GALNTL6: variants seen among roughly 807,000 people sequenced by gnomAD.
GALNTL6 encodes polypeptide N-acetylgalactosaminyltransferase like 6, also known as polypeptide N-acetylgalactosaminyltransferase-like 6.
A neutral mutation model predicts 73.7 loss-of-function variants in GALNTL6; 46 were observed. That is an observed-to-expected ratio of 0.62 (90% CI 0.49 to 0.80). GALNTL6 has a LOEUF of 0.80. Ranked by LOEUF, GALNTL6 falls within the 30% of genes least tolerant of loss-of-function variation. The pLI, the probability that GALNTL6 is intolerant of heterozygous loss-of-function variation, is 0.00. For synonymous variants in GALNTL6, 259 were observed against 263.7 expected, an observed-to-expected ratio of 0.98 and a Z score of 0.17; for missense variants, 604 against 755.0, an observed-to-expected ratio of 0.80 and a Z score of 2.34.
intron 3 of GALNTL6, among the ~76,000 whole-genome samples, chr4:172,260,717 T>G (rs1738228622): frequency 6.6e-6 from 1 of 151,638 alleles, no homozygotes; most frequent in Non-Finnish European, 1.5e-5. Flanking sequence ...TTTTCCCCAT[T>G]CAGTATAATG....
chr4:172,140,751 A>G (rs1733779085), intron 2 of GALNTL6, among the ~76,000 whole-genome samples: 1 of 152,068 alleles, frequency 6.6e-6, no homozygotes, highest in Non-Finnish European at 1.5e-5. Flanking sequence ...AATACATAAG[A>G]AGAAGAAATT....
chr4:173,011,642 C>G (rs1045974664), intron 11 of GALNTL6, among the ~76,000 whole-genome samples: 1 of 152,094 alleles, frequency 6.6e-6, no homozygotes, highest in African/African-American at 2.4e-5. Flanking sequence ...CTGTCTTTTC[C>G]CCAGTGTACG....
chr4:171,837,544 A>G (rs1735124046), intron 2 of GALNTL6, among the ~76,000 whole-genome samples: 1 of 81,850 alleles, frequency 1.2e-5, no homozygotes, highest in Non-Finnish European at 2.6e-5. Context: ...ATGGTTCAGA[A>G]AAAAAAATAT....
chr4:172,579,684 GA>G (rs1737097239), intron 5 of GALNTL6, among the ~76,000 whole-genome samples: 1 of 152,154 alleles, frequency 6.6e-6, no homozygotes, highest in Non-Finnish European at 1.5e-5. Flanking sequence ...AGAAAGGCCA[GA>G]AGCAATTTTC....
chr4:172,951,958 T>C, intron 9 of GALNTL6, 79 bp from the exon 10 acceptor site: 1 of 1,232,948 alleles, frequency 8.1e-7, no homozygotes, highest in South Asian at 1.4e-5. Context: ...CCTTTTCTTT[T>C]TTCAATTTCT....
At chr4:172,819,049 T>A (rs28652947) in intron 7 of GALNTL6, among the ~76,000 whole-genome samples, 1 of 152,032 alleles carries the variant, frequency 6.6e-6, no homozygotes. Flanking sequence ...GGACCTCAAG[T>A]TAGGCACTTC....
At chr4:172,698,460 G>A (rs1733822836) in intron 5 of GALNTL6, among the ~76,000 whole-genome samples, 1 of 152,072 alleles carries the variant, frequency 6.6e-6, no homozygotes, top group Admixed American at 6.5e-5. Context: ...TCTTGGACAG[G>A]ATCCAAGGCT....
At chr4:172,776,820 C>A (rs1260833879) in intron 5 of GALNTL6, among the ~76,000 whole-genome samples, 1 of 152,198 alleles carries the variant, frequency 6.6e-6, no homozygotes, top group Non-Finnish European at 1.5e-5. Flanking sequence ...TGGACCACCA[C>A]TAGTAGTTTG....
intron 5 of GALNTL6, among the ~76,000 whole-genome samples, chr4:172,630,667 A>C (rs1183174683): frequency 2.0e-5 from 3 of 151,686 alleles, no homozygotes; most frequent in African/African-American, 7.3e-5. Context: ...ATTCTGAAAA[A>C]TATTTTCTTT....
intron 5 of GALNTL6, among the ~76,000 whole-genome samples, chr4:172,656,974 T>C (rs1171237530): frequency 1.3e-5 from 2 of 152,178 alleles, no homozygotes; most frequent in Non-Finnish European, 2.9e-5. Context: ...GTAGGGAATT[T>C]GGTTTAAGGT....
intron 5 of GALNTL6, among the ~76,000 whole-genome samples, chr4:172,441,679 G>GT (rs980917362): frequency 1.3e-5 from 2 of 152,104 alleles, no homozygotes; most frequent in African/African-American, 4.8e-5. Flanking sequence ...AAAAATCCGT[G>GT]TTTTAGATAA....
intron 2 of GALNTL6, among the ~76,000 whole-genome samples, chr4:171,820,763 G>A (rs1734656549): frequency 6.6e-6 from 1 of 152,124 alleles, no homozygotes; most frequent in Admixed American, 6.6e-5. Flanking sequence ...CTGTTATAAT[G>A]TAATATAATT....
At chr4:172,957,647 G>A (rs948961094) in intron 10 of GALNTL6, among the ~76,000 whole-genome samples, 6 of 152,180 alleles carry the variant, frequency 3.9e-5, no homozygotes, top group African/African-American at 1.4e-4. Flanking sequence ...TTATTAAAGA[G>A]GCATTAATGA....
chr4:172,487,291 T>TTTCCTTCTTTCC (rs879430886), intron 5 of GALNTL6, among the ~76,000 whole-genome samples: 3,042 of 77,584 alleles, frequency 0.039, 75 homozygotes, highest in Middle Eastern at 0.076. Flanking sequence ...TCTTTCCTTC[T>TTTCCTTCTTTCC]TTCCTTCTGT....
In GALNTL6 at chr4:172,818,905, C is replaced by A. The variant is rs558238050; in HGVS notation, c.923+5182C>A. ...AGCCACCGCACTTGGCCACAATCAT[C>A]CATTTTATTCTCTCAGAAACCACTA... On this transcript the variant is annotated intron_variant, in intron 7 of 12. Transcript: ENST00000506823. 1.6e-4 allele frequency among the ~76,000 whole-genome samples: 25 copies of A among 152,246 alleles called. 1 individual carries two copies. In the South Asian group the frequency reaches 5.2e-3, roughly 32 times the overall value.
At chr4:172,649,937 T>C (rs750949696) in intron 5 of GALNTL6, among the ~76,000 whole-genome samples, 36 of 152,330 alleles carry the variant, frequency 2.4e-4, no homozygotes, top group Middle Eastern at 6.8e-3. Flanking sequence ...TTGTGTTTAT[T>C]TGGCTTCAGA....
At chr4:172,264,007 C>T (rs1422427256) in intron 3 of GALNTL6, among the ~76,000 whole-genome samples, 1 of 151,428 alleles carries the variant, frequency 6.6e-6, no homozygotes, top group Non-Finnish European at 1.5e-5. Flanking sequence ...ATAGAGATCT[C>T]CAGGAGTATT....
At chr4:172,955,830 T>TGA (rs1749719580) in intron 10 of GALNTL6, among the ~76,000 whole-genome samples, 2 of 150,362 alleles carry the variant, frequency 1.3e-5, no homozygotes, top group Admixed American at 1.3e-4. Context: ...GGGGGGTTGT[T>TGA]CTCTGGCTGG....
chr4:171,930,679 T>A (rs895568271), intron 2 of GALNTL6, among the ~76,000 whole-genome samples: 16 of 151,622 alleles, frequency 1.1e-4, no homozygotes, highest in African/African-American at 3.9e-4. Context: ...TACTAAAAAA[T>A]AAAAAAAATA....
Sources: gnomAD v4.1 joint callset for allele counts (sites outside exome capture counted in the v4.1 genomes callset) on GRCh38, gnomAD v4.1.1 for gene constraint, MANE v1.5 for transcripts, NCBI Gene and HGNC (gene_info 2026-07-23, HGNC 2026-07-21) for gene names.